The following XPR1 variants were observed in gnomAD, a reference collection of about 807,000 sequenced individuals.
The protein encoded by XPR1 is xenotropic and polytropic retrovirus receptor 1, also known as solute carrier family 53 member 1.
In XPR1, 28 loss-of-function variants were observed where a neutral mutation model predicts 87.5. The observed-to-expected ratio is 0.32, with a 90% CI of 0.24 to 0.44. The LOEUF is 0.44. XPR1 is among the 20% of genes least tolerant of loss of function. The pLI, the probability that XPR1 is intolerant of heterozygous loss-of-function variation, is 1.00. For synonymous variants in XPR1, 300 were observed against 306.1 expected (o/e 0.98, Z 0.21); for missense variants, 559 against 862.3 (o/e 0.65, Z 4.41).
intron 2 of XPR1, among the ~76,000 whole-genome samples, chr1:180,709,203 GC>G (rs1657670294): frequency 6.6e-6 from 1 of 152,138 alleles, no homozygotes; most frequent in African/African-American, 2.4e-5. Flanking sequence ...GGCATGAGCC[GC>G]CGTGCCCGGC....
At chr1:180,797,216 TAAAG>T (rs1162515529) in intron 3 of XPR1, among the ~76,000 whole-genome samples, 1 of 152,194 alleles carries the variant, frequency 6.6e-6, no homozygotes, top group Non-Finnish European at 1.5e-5. Context: ...TAAAAAAAGA[TAAAG>T]ATTTTAGAAC....
At chr1:180,765,006 C>T (rs1030210160) in intron 2 of XPR1, among the ~76,000 whole-genome samples, 2 of 148,828 alleles carry the variant, frequency 1.3e-5, no homozygotes, top group African/African-American at 2.5e-5. Flanking sequence ...AGGATGGTCT[C>T]GATCTCCTGA....
intron 2 of XPR1, among the ~76,000 whole-genome samples, chr1:180,786,203 T>A (rs1425065908): frequency 6.7e-6 from 1 of 149,646 alleles, no homozygotes; most frequent in Non-Finnish European, 1.5e-5. Context: ...ATAAAATAAA[T>A]AGATTCAGCA....
At chr1:180,681,786 G>C (rs1242985274) in intron 1 of XPR1, among the ~76,000 whole-genome samples, 2 of 152,098 alleles carry the variant, frequency 1.3e-5, no homozygotes, top group African/African-American at 4.8e-5. Flanking sequence ...TCCCACCTCA[G>C]CCTTCTGAGT....
intron 13 of XPR1, among the ~76,000 whole-genome samples, chr1:180,875,432 C>G (rs1213176065): frequency 6.7e-6 from 1 of 149,728 alleles, no homozygotes; most frequent in Non-Finnish European, 1.5e-5. Context: ...TCACTTGAGC[C>G]TGGGAGGCAG....
At chr1:180,721,618 C>A (rs1658182539) in intron 2 of XPR1, among the ~76,000 whole-genome samples, 2 of 152,110 alleles carry the variant, frequency 1.3e-5, no homozygotes, top group African/African-American at 4.8e-5. Context: ...ATACAGTTGA[C>A]CCTTGAGCAA....
chr1:180,837,338 A>G (rs1033032763), intron 11 of XPR1, among the ~76,000 whole-genome samples: 3 of 152,228 alleles, frequency 2.0e-5, no homozygotes, highest in Non-Finnish European at 4.4e-5. Context: ...AATGCGTTCC[A>G]TCTTTGTCTT....
chr1:180,805,577 C>G (rs138780688), intron 4 of XPR1, among the ~76,000 whole-genome samples: 2 of 152,280 alleles, frequency 1.3e-5, no homozygotes, highest in Non-Finnish European at 2.9e-5. Flanking sequence ...ATTTTCCTTA[C>G]TGGAACATGC....
At position 180,744,550 on chromosome 1, in the gene XPR1, T is replaced by A. The variant is rs868409041; in HGVS notation, c.122-43203T>A. On this transcript the variant is annotated intron_variant, in intron 2 of 14. Coordinates refer to ENST00000367590, the MANE Select transcript of XPR1 (RefSeq NM_004736.4). ...TATTTGTATGCCAGGTAATTTTAGATTGTATCTTGGGCATTTTGGATATTA... is the reference window on the plus strand; with the variant it reads ...TATTTGTATGCCAGGTAATTTTAGAATGTATCTTGGGCATTTTGGATATTA... 4.6e-5 allele frequency among the ~76,000 whole-genome samples: 7 copies of A among 152,052 alleles called. No individual in the cohort carries two copies. The South Asian group carries it at 6.2e-4, about 14-fold the overall frequency.
intron 2 of XPR1, among the ~76,000 whole-genome samples, chr1:180,784,854 T>C (rs1008308473): frequency 6.6e-6 from 1 of 152,062 alleles, no homozygotes; most frequent in Non-Finnish European, 1.5e-5. Context: ...TTTTCTCATT[T>C]ATTTACTAAA....
At chr1:180,661,111 ATTC>A (rs1655757296) in intron 1 of XPR1, among the ~76,000 whole-genome samples, 2 of 151,762 alleles carry the variant, frequency 1.3e-5, no homozygotes, top group African/African-American at 4.8e-5. Context: ...ATTTTTATCT[ATTC>A]TTATATTTTT....
At chr1:180,689,217 A>G (rs1470006546) in intron 2 of XPR1, among the ~76,000 whole-genome samples, 2 of 152,274 alleles carry the variant, frequency 1.3e-5, no homozygotes, top group East Asian at 1.9e-4. Context: ...TGACTCAGTA[A>G]TGACAGTTGG....
At chr1:180,739,730 T>TGTATAA (rs1339194006) in intron 2 of XPR1, among the ~76,000 whole-genome samples, 1 of 152,168 alleles carries the variant, frequency 6.6e-6, no homozygotes, top group African/African-American at 2.4e-5. Context: ...TCATTGCCAG[T>TGTATAA]GTATAAAATT....
intron 2 of XPR1, among the ~76,000 whole-genome samples, chr1:180,721,612 A>G (rs980890365): frequency 6.6e-6 from 1 of 152,208 alleles, no homozygotes; most frequent in Admixed American, 6.5e-5. Context: ...TTTGTTATAC[A>G]GTTGACCCTT....
chr1:180,866,496 T>C (rs12082289), intron 12 of XPR1, among the ~76,000 whole-genome samples: 6,535 of 151,960 alleles, frequency 0.043, 501 homozygotes, highest in African/African-American at 0.15. Context: ...GTATTCCTCC[T>C]GAAAGACTTC....
chr1:180,783,906 T>G (rs546827348), intron 2 of XPR1, among the ~76,000 whole-genome samples: 1 of 151,894 alleles, frequency 6.6e-6, no homozygotes, highest in East Asian at 1.9e-4. Context: ...ACTGCAAAAA[T>G]TAGCGGGGCA....
chr1:180,708,198 A>G (rs1407728401), intron 2 of XPR1, among the ~76,000 whole-genome samples: 1 of 152,198 alleles, frequency 6.6e-6, no homozygotes. Flanking sequence ...TTTCAGGTGG[A>G]TGTAATCAGT....
chr1:180,769,885 T>C (rs1648444248), intron 2 of XPR1, among the ~76,000 whole-genome samples: 1 of 152,214 alleles, frequency 6.6e-6, no homozygotes, highest in South Asian at 2.1e-4. Flanking sequence ...CTAATTTACT[T>C]TCCCATCAAC....
At chr1:180,816,917 C>T (rs965175188) in intron 7 of XPR1, among the ~76,000 whole-genome samples, 4 of 152,036 alleles carry the variant, frequency 2.6e-5, no homozygotes, top group Non-Finnish European at 5.9e-5. Context: ...GGGAGGTGTT[C>T]CAGAAGAAGG....
Sources: gnomAD v4.1 joint callset for allele counts (sites outside exome capture counted in the v4.1 genomes callset) on GRCh38, gnomAD v4.1.1 for gene constraint, MANE v1.5 for transcripts, NCBI Gene and HGNC (gene_info 2026-07-23, HGNC 2026-07-21) for gene names.